Variants in NR2C2 observed in about 807,000 individuals in gnomAD.
NR2C2 encodes the protein nuclear receptor subfamily 2 group C member 2, also known as Nuclear hormone receptor TR4.
A neutral mutation model predicts 62.9 loss-of-function variants in NR2C2; 6 were observed. The observed-to-expected ratio is 0.10, with a 90% CI of 0.05 to 0.19. NR2C2 has a LOEUF of 0.19. Among genes scored for constraint, NR2C2 ranks in the 10% least tolerant of loss-of-function variants. The pLI, the probability that NR2C2 is intolerant of heterozygous loss-of-function variation, is 1.00. For synonymous variants in NR2C2, 272 were observed against 273.8 expected (o/e 0.99, Z 0.07); for missense variants, 479 against 762.7 (o/e 0.63, Z 4.38).
At position 15,044,378 on chromosome 3, in the gene NR2C2, AAAC is replaced by A. The variant is rs1172640056; in HGVS notation, c.*1374_*1376del. The A allele has an allele frequency of 1.3e-5, 2 of 152,194 alleles. No individual in the cohort carries two copies. Among genetic ancestry groups the A allele is most frequent in the Admixed American group, 6.6e-5 (1 of 15,264 alleles). The allele number at this position is 152,194 out of a possible 1,614,324, so 9.4% of individuals were successfully genotyped here. ...TAAATGCAGGCTGCTTGCTCCTTAA[AAAC>A]AACCCTCAATTTCCAGGGTGATAGT... On this transcript the variant is annotated 3_prime_UTR_variant, in exon 14 of 14. Coordinates refer to ENST00000425241, the MANE Select transcript of NR2C2 (RefSeq NM_001291694.2).
At chr3:14,948,676 C>T (rs1324379966) in intron 1 of NR2C2, 1 of 152,964 alleles carries the variant, frequency 6.5e-6, no homozygotes, top group South Asian at 1.9e-4. Context: ...GGGCTGCTTC[C>T]CTCCGCCTGG....
At chr3:14,968,542 G>A (rs1175523205) in intron 1 of NR2C2, among the ~76,000 whole-genome samples, 9 of 150,994 alleles carry the variant, frequency 6.0e-5, no homozygotes, top group Non-Finnish European at 1.0e-4. Flanking sequence ...TGGTGGGACT[G>A]TAAACTAGTT....
chr3:15,024,301 A>G, intron 7 of NR2C2, 93 bp downstream of exon 7: 1 of 786,002 alleles, frequency 1.3e-6, no homozygotes, highest in East Asian at 2.6e-5. Flanking sequence ...CCTGGCCTTC[A>G]GAGACCACAT....
rs150310663 is a variant in NR2C2 at position 14,961,617 on chromosome 3, C to T, written c.-40+13711C>T. The stretch of plus-strand genomic sequence containing the variant: ...AATATTCAGGAGAGCTTTCTCATGA[C>T]CAGAAGAGACTGGAAGTCTGCTCCT... On this transcript the variant is annotated intron_variant, in intron 1 of 13. Coordinates refer to ENST00000425241, the MANE Select transcript of NR2C2 (RefSeq NM_001291694.2). Among the ~76,000 whole-genome samples the T allele has an allele frequency of 3.1e-3, 470 of 152,244 alleles. 1 individual carries two copies. Among genetic ancestry groups the T allele is most frequent in the Middle Eastern group, 6.8e-3 (2 of 294 alleles).
At chr3:15,028,503 G>C in intron 7 of NR2C2, 83 bp from the exon 8 acceptor site, 1 of 1,389,102 alleles carries the variant, frequency 7.2e-7, no homozygotes, top group South Asian at 1.3e-5. Context: ...AGCTGTTTTT[G>C]AACCAGCATT....
intron 2 of NR2C2, among the ~76,000 whole-genome samples, chr3:15,009,529 A>G (rs1476976968): frequency 6.6e-6 from 1 of 152,218 alleles, no homozygotes; most frequent in Non-Finnish European, 1.5e-5. Flanking sequence ...AACAAGCATT[A>G]TGGCAGCTCT....
chr3:15,002,645 CTTTTTT>C lies in NR2C2; in HGVS notation c.-39-1206_-39-1201del, dbSNP rs371981775. Reference sequence around the variant, plus strand: ...TTTTTTGTGAAGTGTTCACAATATACTTTTTTTTTTTTTTTTTTTTTTTTTTTTTTG... The same window carrying C: ...TTTTTTGTGAAGTGTTCACAATATACTTTTTTTTTTTTTTTTTTTTTTTTG... On this transcript the variant is annotated intron_variant, in intron 1 of 13. Transcript: ENST00000425241. Among the ~76,000 whole-genome samples the C allele has an allele frequency of 3.8e-4, 15 of 39,508 alleles. No homozygotes were observed. The East Asian group carries it at 9.6e-3, about 25-fold the overall frequency. The allele number at this position is 39,508 out of a possible 152,430, so 25.9% of individuals were successfully genotyped here.
chr3:15,040,132 C>G (rs941029205), intron 13 of NR2C2, among the ~76,000 whole-genome samples: 7 of 151,820 alleles, frequency 4.6e-5, no homozygotes. Flanking sequence ...TGCACTCCAG[C>G]CTGGGTGACA....
chr3:14,991,325 A>G (rs753643426), intron 1 of NR2C2, among the ~76,000 whole-genome samples: 15 of 152,238 alleles, frequency 9.9e-5, no homozygotes, highest in Non-Finnish European at 2.2e-4. Flanking sequence ...AAAAGTCAGC[A>G]GCCTCCTGTG....
intron 1 of NR2C2, among the ~76,000 whole-genome samples, chr3:15,000,855 C>A (rs2040972281): frequency 7.1e-6 from 1 of 140,502 alleles, no homozygotes; most frequent in South Asian, 2.3e-4. Flanking sequence ...TGCTCTGTTG[C>A]CAAGGCTGGA....
rs537620856 is a variant in NR2C2, at chr3:14,960,653, A to G, written c.-40+12747A>G. Among the ~76,000 whole-genome samples the G allele has an allele frequency of 5.9e-5, 9 of 152,360 alleles. No homozygotes were observed. The East Asian group carries it at 1.7e-3, about 29-fold the overall frequency. On this transcript the variant is annotated intron_variant, in intron 1 of 13. Coordinates refer to ENST00000425241, the MANE Select transcript of NR2C2 (RefSeq NM_001291694.2). ...TAATTCAAATTCACATATTTCTTAC[A>G]TTGAACTATAGTTAATAACAGAGGA...
intron 11 of NR2C2, among the ~76,000 whole-genome samples, chr3:15,037,694 T>C (rs1559310457): frequency 6.6e-6 from 1 of 152,214 alleles, no homozygotes; most frequent in Non-Finnish European, 1.5e-5. Flanking sequence ...AAAGGAATTA[T>C]TACTCAGGTA....
chr3:14,997,895 A>G (rs538894604), intron 1 of NR2C2, among the ~76,000 whole-genome samples: 8 of 152,286 alleles, frequency 5.3e-5, no homozygotes, highest in African/African-American at 1.7e-4. Flanking sequence ...TAAATCCAGA[A>G]TGTTTTTATC....
intron 2 of NR2C2, among the ~76,000 whole-genome samples, chr3:15,008,405 C>A (rs889314449): frequency 2.0e-4 from 31 of 151,676 alleles, no homozygotes; most frequent in Admixed American, 1.6e-3. Context: ...GCCTGTAGTC[C>A]CAGTTACTCA....
chr3:15,023,790 T>C (rs2041742809), intron 6 of NR2C2, among the ~76,000 whole-genome samples: 2 of 152,256 alleles, frequency 1.3e-5, no homozygotes, highest in Admixed American at 1.3e-4. Flanking sequence ...GAGAGAGAGC[T>C]GGAGTTGAGG....
At chr3:14,983,787 A>G (rs1448185030) in intron 1 of NR2C2, among the ~76,000 whole-genome samples, 1 of 152,190 alleles carries the variant, frequency 6.6e-6, no homozygotes, top group Non-Finnish European at 1.5e-5. Flanking sequence ...CTCAGTTTTA[A>G]TAAGTTGTAC....
rs200130466 is a variant in NR2C2, at chr3:15,003,902, G to A, written c.-13G>A. On this transcript the variant is annotated 5_prime_UTR_variant, in exon 2 of 14. Transcript: ENST00000425241. ...TAACACGTACACAGACCTCTCGGCC[G>A]GAATCTCCAGGGATGACCAGCCCCT... 9 of 1,613,700 alleles carry A rather than the reference G, an allele frequency of 5.6e-6. No homozygotes were observed. In the East Asian group the frequency reaches 6.7e-5, roughly 12 times the overall value.
At chr3:14,987,536 A>G (rs1559547511) in intron 1 of NR2C2, among the ~76,000 whole-genome samples, 1 of 152,216 alleles carries the variant, frequency 6.6e-6, no homozygotes, top group Non-Finnish European at 1.5e-5. Flanking sequence ...TAATTATAAA[A>G]GTTGTTAATT....
At chr3:14,980,874 A>G (rs1156673117) in intron 1 of NR2C2, among the ~76,000 whole-genome samples, 1 of 152,174 alleles carries the variant, frequency 6.6e-6, no homozygotes. Context: ...AAGAGGAAGA[A>G]CCTGGTTGAA....
Sources: gnomAD v4.1 joint callset for allele counts (sites outside exome capture counted in the v4.1 genomes callset) on GRCh38, gnomAD v4.1.1 for gene constraint, MANE v1.5 for transcripts, NCBI Gene and HGNC (gene_info 2026-07-23, HGNC 2026-07-21) for gene names.